Variants in LOC400499 observed in about 807,000 individuals in gnomAD.
At chr16:11,438,791 A>C in the LOC400499 span, among the ~76,000 whole-genome samples, 4 of 151,612 alleles carry the variant, frequency 2.6e-5, no homozygotes, top group African/African-American at 9.7e-5. Flanking sequence ...CCTGTCTCAA[A>C]AGAAATTTTA....
chr16:11,488,593 A>T, the LOC400499 span: 1 of 390,584 alleles, frequency 2.6e-6, no homozygotes. Context: ...CTGACATGTA[A>T]ATATTTGACC....
the LOC400499 span, among the ~76,000 whole-genome samples, chr16:11,377,133 A>C: frequency 1.3e-5 from 2 of 151,974 alleles, no homozygotes. Context: ...TTGTTTTCTT[A>C]ATTTCCTTCT....
the LOC400499 span, chr16:11,399,265 C>G: frequency 1.0e-6 from 1 of 985,032 alleles, no homozygotes; most frequent in African/African-American, 1.7e-5. Context: ...CCTTGCTTTT[C>G]TTGTCTTCCA....
chr16:11,444,141 C>T, the LOC400499 span, among the ~76,000 whole-genome samples: 28 of 152,246 alleles, frequency 1.8e-4, no homozygotes, highest in African/African-American at 6.7e-4. Context: ...ACACCTGGCC[C>T]AATCCCAGCA....
chr16:11,379,197 G>T, the LOC400499 span, among the ~76,000 whole-genome samples: 1 of 152,184 alleles, frequency 6.6e-6, no homozygotes, highest in Admixed American at 6.5e-5. Context: ...GCAGTGAGCC[G>T]TTATCATGCC....
chr16:11,393,227 C>G, the LOC400499 span, among the ~76,000 whole-genome samples: 1 of 150,210 alleles, frequency 6.7e-6, no homozygotes, highest in East Asian at 2.0e-4. Context: ...CTCCTGAGCT[C>G]AAGCAATTCA....
the LOC400499 span, chr16:11,471,813 G>C: frequency 7.5e-6 from 3 of 399,104 alleles, no homozygotes; most frequent in African/African-American, 6.2e-5. Context: ...CCCAGGTGTA[G>C]GACACTGCAG....
At chr16:11,399,626 T>G in the LOC400499 span, 1 of 398,722 alleles carries the variant, frequency 2.5e-6, no homozygotes, top group Non-Finnish European at 4.4e-6. Context: ...ATAGGGTACA[T>G]GACCTGGGGG....
the LOC400499 span, among the ~76,000 whole-genome samples, chr16:11,381,484 A>G: frequency 6.6e-6 from 1 of 152,114 alleles, no homozygotes; most frequent in Admixed American, 6.6e-5. Context: ...GTTTGTAAAC[A>G]TTTTTCCCAA....
chr16:11,397,924 G>A, the LOC400499 span, among the ~76,000 whole-genome samples: 1 of 152,088 alleles, frequency 6.6e-6, no homozygotes, highest in African/African-American at 2.4e-5. Context: ...ATGGAAGGAT[G>A]CGTAAAGGAA....
the LOC400499 span, chr16:11,413,043 C>A: frequency 5.0e-6 from 2 of 397,642 alleles, no homozygotes; most frequent in Non-Finnish European, 8.9e-6. Flanking sequence ...AGCTCTATAG[C>A]CCAGCACGTC....
At chr16:11,401,635 G>C in the LOC400499 span, among the ~76,000 whole-genome samples, 1 of 152,232 alleles carries the variant, frequency 6.6e-6, no homozygotes, top group Admixed American at 6.5e-5. Flanking sequence ...ACAGAGATGG[G>C]ACTGGAGGTC....
chr16:11,434,072 T>C, the LOC400499 span, among the ~76,000 whole-genome samples: 2 of 152,036 alleles, frequency 1.3e-5, no homozygotes, highest in African/African-American at 4.8e-5. Context: ...GAAGGGTCTA[T>C]AGGAACCTGA....
the LOC400499 span, among the ~76,000 whole-genome samples, chr16:11,513,706 T>C: frequency 6.6e-6 from 1 of 152,134 alleles, no homozygotes; most frequent in Admixed American, 6.6e-5. Flanking sequence ...GCTGGGATTA[T>C]AGGTGTGAGC....
chr16:11,464,201 T>C, the LOC400499 span, among the ~76,000 whole-genome samples: 2 of 152,234 alleles, frequency 1.3e-5, no homozygotes, highest in Admixed American at 1.3e-4. Flanking sequence ...TGTATGTGTG[T>C]GCACACACGA....
the LOC400499 span, among the ~76,000 whole-genome samples, chr16:11,410,929 T>A: frequency 6.6e-6 from 1 of 152,224 alleles, no homozygotes; most frequent in Admixed American, 6.5e-5. Flanking sequence ...GGCTGTGTCA[T>A]CTGCTCCAGC....
chr16:11,448,614 C>T, the LOC400499 span, among the ~76,000 whole-genome samples: 1 of 152,294 alleles, frequency 6.6e-6, no homozygotes, highest in Admixed American at 6.5e-5. Context: ...ATAGTTCTAA[C>T]TACTTAGTAG....
the LOC400499 span, among the ~76,000 whole-genome samples, chr16:11,449,316 T>C: frequency 6.6e-6 from 1 of 152,184 alleles, no homozygotes; most frequent in Non-Finnish European, 1.5e-5. Context: ...TCCTCTCTGT[T>C]GCCCCAACCC....
chr16:11,424,054 C>A, the LOC400499 span: 2 of 399,214 alleles, frequency 5.0e-6, no homozygotes, highest in Non-Finnish European at 8.8e-6. Flanking sequence ...TGTTGGGTGT[C>A]CCTGGGACCC....
Sources: allele counts gnomAD v4.1 joint callset (sites outside exome capture counted in the v4.1 genomes callset), GRCh38; gene constraint gnomAD v4.1.1; transcripts MANE v1.5.